Variants in MMP2 observed in about 807,000 individuals in gnomAD.
The protein encoded by MMP2 is matrix metallopeptidase 2, also known as 72 kDa type IV collagenase.
Under a neutral mutation model 74.8 loss-of-function variants are expected in MMP2, and 39 were observed. That is an observed-to-expected ratio of 0.52 (90% CI 0.40 to 0.68). The LOEUF (loss-of-function observed/expected upper bound fraction) is 0.68. Ranked by LOEUF, MMP2 falls within the 30% of genes least tolerant of loss-of-function variation. MMP2 has a pLI of 0.00. For synonymous variants in MMP2, 367 were observed against 339.8 expected (o/e 1.08, Z -0.88); for missense variants, 803 against 878.3 (o/e 0.91, Z 1.08).
At chr16:55,484,430 T>A (rs1962189789) in intron 3 of MMP2, among the ~76,000 whole-genome samples, 1 of 152,154 alleles carries the variant, frequency 6.6e-6, no homozygotes, top group African/African-American at 2.4e-5. Flanking sequence ...TGCTGTCCAA[T>A]ATGGCAGCCA....
Position 55,479,393 on chromosome 16 carries a change from C to G in MMP2, c.-87C>G. ...ACCCTCGGAGCGCAGCCCTGCGCCG[C>G]GGAGCAGGCTCCAACCAGGCGGCGA... is the stretch of plus-strand genomic sequence containing the variant. On this transcript the variant is annotated 5_prime_UTR_variant, in exon 1 of 13. Coordinates refer to ENST00000219070, the MANE Select transcript of MMP2 (RefSeq NM_004530.6). 5.9e-6 allele frequency: 8 copies of G among 1,346,384 alleles called. No individual in the cohort carries two copies. The South Asian group carries it at 1.4e-4, about 24-fold the overall frequency. 83.4% of individuals were successfully genotyped at this position (1,346,384 alleles called of 1,614,324 possible). A position where few individuals can be genotyped will look rare whatever the true frequency, so the allele number is the denominator to read the frequency against.
chr16:55,485,859 A>G, intron 5 of MMP2, 82 bp downstream of exon 5: 1 of 1,425,086 alleles, frequency 7.0e-7, no homozygotes, highest in Non-Finnish European at 9.8e-7. Context: ...TTCCCTCCAC[A>G]CTCTCCAGGA....
At position 55,496,972 on chromosome 16, in the gene MMP2, C is replaced by T; in HGVS notation, c.1519C>T (p.Leu507=). ...GCCACGTGACAAGCCCATGGGGCCC[C>T]TGCTGGTGGCCACATTCTGGCCTGA... The part of the protein sequence containing the change: ...VTPRDKPMGP[L]LVATFWPELP... Residue 507 remains leucine (L), a synonymous_variant, in exon 10 of 13, where the codon CTG becomes TTG. Transcript: ENST00000219070. 6.2e-7 allele frequency: 1 copy of T among 1,614,184 alleles called. No individual in the cohort carries two copies. The highest frequency in any genetic ancestry group is 1.1e-5 in the South Asian group (1 of 91,090).
chr16:55,496,810 C>A, intron 9 of MMP2, 116 bp from the exon 10 acceptor site: 2 of 1,394,984 alleles, frequency 1.4e-6, no homozygotes, highest in South Asian at 2.4e-5. Context: ...TCCTGCCTCC[C>A]ACTCCCATCA....
intron 8 of MMP2, among the ~76,000 whole-genome samples, chr16:55,492,445 A>G (rs1962434289): frequency 6.8e-6 from 1 of 147,218 alleles, no homozygotes; most frequent in Admixed American, 6.7e-5. Context: ...TTATTTATTT[A>G]TTTATTTATT....
Position 55,483,094 on chromosome 16 carries a change from C to T in MMP2, c.339C>T (p.Phe113=), listed in dbSNP as rs2142344768. ...CAGATGTGGCCAACTACAACTTCTT[C>T]CCTCGCAAGCCCAAGTGGGACAAGA... is the stretch of plus-strand genomic sequence containing the variant. ...GNPDVANYNF[F]PRKPKWDKNQ... Residue 113 remains phenylalanine, a synonymous_variant, in exon 2 of 13, where the codon TTC becomes TTT. Coordinates refer to ENST00000219070, the MANE Select transcript of MMP2 (RefSeq NM_004530.6). 1.2e-6 allele frequency: 2 copies of T among 1,614,086 alleles called. No individual in the cohort carries two copies. The highest frequency in any genetic ancestry group is 1.7e-6 in the Non-Finnish European group (2 of 1,179,990).
rs967698261 is a variant in MMP2, at chr16:55,498,272, C to T, written c.1610-17C>T. ...GCATGTCAGCACCAGCCAACACACC[C>T]TTTGCTTCCACCCCAGGGAATGAAT... is the stretch of plus-strand genomic sequence containing the variant. On this transcript the variant is annotated splice_polypyrimidine_tract_variant and intron_variant, in intron 10 of 12. Coordinates refer to ENST00000219070, the MANE Select transcript of MMP2 (RefSeq NM_004530.6). The T allele has an allele frequency of 1.9e-6, 3 of 1,613,590 alleles. No homozygotes were observed. In the South Asian group the frequency reaches 3.3e-5, roughly 18 times the overall value.
At position 55,485,318 on chromosome 16, in the gene MMP2, C is replaced by G. The variant is rs760486439; in HGVS notation, c.549C>G (p.Pro183=). ...FGRWEHGDGY[P]FDGKDGLLAH... is the part of the protein sequence containing the mutation. ...TTTCAGAGCATGGCGATGGATACCC[C>G]TTTGACGGTAAGGACGGACTCCTGG... Residue 183 remains proline (P), a synonymous_variant, in exon 4 of 13, where the codon CCC becomes CCG. Transcript: ENST00000219070. The G allele has an allele frequency of 6.2e-7, 1 of 1,613,966 alleles. No individual in the cohort carries two copies. Among genetic ancestry groups the G allele is most frequent in the African/African-American group, 1.3e-5 (1 of 74,870 alleles).
At position 55,496,942 on chromosome 16, in the gene MMP2, G is replaced by A; in HGVS notation, c.1489G>A (p.Val497Met). Residue 497 changes from valine to methionine, a missense_variant, in exon 10 of 13, where the codon GTG (valine) becomes ATG (methionine). Val to Met is a conservative substitution (Grantham distance 21). Around this residue, in one of 3 missense-constraint regions of MMP2, gnomAD observed 555 missense variants for 592.0 expected, o/e 0.94. Coordinates refer to ENST00000219070, the MANE Select transcript of MMP2 (RefSeq NM_004530.6). Reference sequence around the variant, plus strand: ...TCCTGCCAGGTTCATTTGGCGGACTGTGACGCCACGTGACAAGCCCATGGG... The same window carrying A: ...TCCTGCCAGGTTCATTTGGCGGACTATGACGCCACGTGACAAGCCCATGGG... The part of the protein sequence containing the change: ...FFKDRFIWRT[V>M]TPRDKPMGPL... 1 of 1,614,070 alleles carries A rather than the reference G, an allele frequency of 6.2e-7. No homozygotes were observed. Among genetic ancestry groups the A allele is most frequent in the South Asian group, 1.1e-5 (1 of 91,080 alleles).
chr16:55,488,850 A>G, intron 6 of MMP2, 134 bp downstream of exon 6: 1 of 917,332 alleles, frequency 1.1e-6, no homozygotes, highest in South Asian at 1.4e-5. Context: ...AATGACATCC[A>G]CACCAAGATG....
At chr16:55,491,131 C>T (rs111895480) in intron 7 of MMP2, among the ~76,000 whole-genome samples, 9,585 of 150,710 alleles carry the variant, frequency 0.064, 348 homozygotes, top group East Asian at 0.14. Context: ...GTGGCATGAT[C>T]TCGGCTCACT....
At chr16:55,502,706 G>T in intron 11 of MMP2, 73 bp from the exon 12 acceptor site, 1 of 1,341,078 alleles carries the variant, frequency 7.5e-7, no homozygotes, top group Non-Finnish European at 1.1e-6. Context: ...TCAGCTGGGT[G>T]CTCCCATCCA....
chr16:55,493,397 C>T (rs1962462988), intron 9 of MMP2, 104 bp downstream of exon 9: 1 of 1,475,744 alleles, frequency 6.8e-7, no homozygotes, highest in Non-Finnish European at 9.4e-7. Flanking sequence ...CCAAATGCTT[C>T]CCAGAATGAC....
chr16:55,489,019 C>T, intron 6 of MMP2, among the ~76,000 whole-genome samples: 1 of 152,192 alleles, frequency 6.6e-6, no homozygotes, highest in African/African-American at 2.4e-5. Flanking sequence ...GGCTCTCTGG[C>T]AGAGACTTCT....
chr16:55,505,521 A>AG lies in MMP2; in HGVS notation c.*83dup, dbSNP rs1962778889. On this transcript the variant is annotated 3_prime_UTR_variant, in exon 13 of 13. Transcript: ENST00000219070. ...CCTGGAGAACTAGAGAAGGACCCGGAGGGGCCTGGCAGCCGTGCCTTCAGC... is the reference window on the plus strand; with the variant it reads ...CCTGGAGAACTAGAGAAGGACCCGGAGGGGGCCTGGCAGCCGTGCCTTCAGC... The AG allele has an allele frequency of 7.9e-7, 1 of 1,262,852 alleles. No homozygotes were observed. The allele number at this position is 1,262,852 out of a possible 1,614,324, so 78.2% of individuals were successfully genotyped here.
chr16:55,486,361 G>GCC lies in MMP2; in HGVS notation c.832+584_832+585insCC, dbSNP rs1168320600. On this transcript the variant is annotated intron_variant, in intron 5 of 12. Transcript: ENST00000219070. The stretch of plus-strand genomic sequence containing the variant: ...TGTGTGTGTGCCTGTGTGTGTGTGT[G>GCC]TGTGTGTGTGTGTGTGTGTGTGTGT... 6.0e-3 allele frequency among the ~76,000 whole-genome samples: 438 copies of GCC among 73,260 alleles called. 3 individuals carry two copies. The highest frequency in any genetic ancestry group is 0.017 in the African/African-American group (411 of 24,772). 48.1% of individuals were successfully genotyped at this position (73,260 alleles called of 152,430 possible).
Position 55,485,755 on chromosome 16 carries a change from G to C in MMP2, c.810G>C (p.Lys270Asn), listed in dbSNP as rs895002709. The C allele has an allele frequency of 3.7e-6, 6 of 1,613,902 alleles. No individual in the cohort carries two copies. Among genetic ancestry groups the C allele is most frequent in the Non-Finnish European group, 5.1e-6 (6 of 1,180,026 alleles). Reference sequence around the variant, plus strand: ...CCTACAACTTTGAGAAGGATGGCAAGTACGGCTTCTGTCCCCATGAAGGTG... The same window carrying C: ...CCTACAACTTTGAGAAGGATGGCAACTACGGCTTCTGTCCCCATGAAGGTG... Reference protein sequence around the residue: ...STTYNFEKDGKYGFCPHEALF... With the variant: ...STTYNFEKDGNYGFCPHEALF... The change falls in exon 5 of 13, where the codon AAG becomes AAC. Residue 270 changes from lysine (K) to asparagine (N), a missense_variant. Lys to Asn is a moderately conservative substitution (Grantham distance 94). Coordinates refer to ENST00000219070, the MANE Select transcript of MMP2 (RefSeq NM_004530.6).
Position 55,493,313 on chromosome 16 carries a change from T to TCTTGTCCTC in MMP2, c.1472+27_1472+35dup. On this transcript the variant is annotated intron_variant, in intron 9 of 12. Coordinates refer to ENST00000219070, the MANE Select transcript of MMP2 (RefSeq NM_004530.6). ...GGACCGGTGAGTGCAGGAGCTTGCT[T>TCTTGTCCTC]CTTGTCCTCCTTGTCTCCTGTCCTC... The TCTTGTCCTC allele has an allele frequency of 6.2e-7, 1 of 1,614,086 alleles. No homozygotes were observed. The highest frequency in any genetic ancestry group is 1.1e-5 in the South Asian group (1 of 91,074).
chr16:55,486,362 T>C (rs1962259272), intron 5 of MMP2, among the ~76,000 whole-genome samples: 1 of 72,958 alleles, frequency 1.4e-5, no homozygotes, highest in African/African-American at 4.1e-5. Context: ...TGTGTGTGTG[T>C]GTGTGTGTGT....
Sources: gnomAD v4.1 joint callset for allele counts (sites outside exome capture counted in the v4.1 genomes callset) on GRCh38, gnomAD v4.1.1 for gene constraint, gnomAD v4.1.1 regional missense constraint, MANE v1.5 for transcripts, NCBI Gene and HGNC (gene_info 2026-07-23, HGNC 2026-07-21) for gene names.